EPG5: variants seen among roughly 807,000 people sequenced by gnomAD.
The protein encoded by EPG5 is ectopic P-granules 5 autophagy tethering factor.
EPG5 carries 159 observed loss-of-function variants against 302.7 expected under a neutral mutation model. The ratio of observed to expected loss-of-function variants is 0.53; its 90% CI spans 0.46 to 0.60. EPG5 has a LOEUF of 0.60. Ranked by LOEUF, EPG5 falls within the 20% of genes least tolerant of loss-of-function variation. The pLI is 0.00. For missense variants in EPG5, 2,896 were observed against 3,092.4 expected (o/e 0.94, Z 1.51); for synonymous variants, 1,158 against 1,136.8 (o/e 1.02, Z -0.37).
At position 45,922,257 on chromosome 18, in the gene EPG5, C is replaced by T. The variant is rs536207129; in HGVS notation, c.3098+84G>A. ...TGCTCCGCAATAGGTTTGACAGAGG[C>T]CTCAGAACTTGGGATATGAAACATA... On this transcript the variant is annotated intron_variant, in intron 16 of 43. Transcript: ENST00000282041. 43 of 1,519,218 alleles carry T rather than the reference C, an allele frequency of 2.8e-5. No homozygotes were observed. In the South Asian group the frequency reaches 5.0e-4, roughly 18 times the overall value. The allele number at this position is 1,519,218 out of a possible 1,614,324, so 94.1% of individuals were successfully genotyped here. A position where few individuals can be genotyped will look rare whatever the true frequency, so the allele number is the denominator to read the frequency against.
chr18:45,966,136 G>T (rs2051249267), intron 1 of EPG5, among the ~76,000 whole-genome samples: 1 of 151,784 alleles, frequency 6.6e-6, no homozygotes, highest in African/African-American at 2.4e-5. Flanking sequence ...ACTTTGGGAG[G>T]CCGAGGCGGG....
At chr18:45,906,757 C>T (rs577680560) in intron 24 of EPG5, among the ~76,000 whole-genome samples, 100 of 152,128 alleles carry the variant, frequency 6.6e-4, no homozygotes, top group African/African-American at 2.4e-3. Context: ...CAGGTTCAAG[C>T]GATTCTCCTG....
At chr18:45,821,265 C>A in the EPG5 span, among the ~76,000 whole-genome samples, 1 of 152,186 alleles carries the variant, frequency 6.6e-6, no homozygotes, top group Non-Finnish European at 1.5e-5. Flanking sequence ...TGTGAGAAAT[C>A]CATGCATGCA....
chr18:45,921,284 G>C (rs933413085), intron 16 of EPG5, among the ~76,000 whole-genome samples: 22 of 152,216 alleles, frequency 1.4e-4, no homozygotes, highest in Admixed American at 4.6e-4. Context: ...TGTGGAACAA[G>C]ATGTTGAAAT....
chr18:45,946,804 T>C lies in EPG5; in HGVS notation c.1572-36A>G, dbSNP rs760160934. 1.3e-5 allele frequency: 20 copies of C among 1,527,574 alleles called. No homozygotes were observed. In the East Asian group the frequency reaches 3.4e-4, roughly 26 times the overall value. 94.6% of individuals were successfully genotyped at this position (1,527,574 alleles called of 1,614,324 possible). ...AGAATAATCACTCCCATCACTTAGA[T>C]GTAGGCTACGTGAGTGCATTGTGGA... On this transcript the variant is annotated intron_variant, in intron 6 of 43. Transcript: ENST00000282041.
the EPG5 span, among the ~76,000 whole-genome samples, chr18:45,803,399 C>A: frequency 6.6e-6 from 1 of 152,130 alleles, no homozygotes; most frequent in Non-Finnish European, 1.5e-5. Flanking sequence ...CAACAGCAAG[C>A]AGGCTCCAGG....
At chr18:45,852,705 C>A (rs1046386583) in intron 43 of EPG5, 56 bp from the exon 44 acceptor site, 9 of 1,457,018 alleles carry the variant, frequency 6.2e-6, no homozygotes, top group Non-Finnish European at 8.6e-6. Context: ...AATGTGACTG[C>A]CAGAGGTACA....
the EPG5 span, chr18:45,839,110 GAC>G: frequency 7.3e-7 from 1 of 1,369,250 alleles, no homozygotes; most frequent in African/African-American, 1.5e-5. Flanking sequence ...GTGCGCCCCA[GAC>G]ACGGGTGGCC....
At chr18:45,960,570 G>A (rs1216862819) in intron 1 of EPG5, among the ~76,000 whole-genome samples, 1 of 152,146 alleles carries the variant, frequency 6.6e-6, no homozygotes, top group African/African-American at 2.4e-5. Flanking sequence ...ACAATAATGA[G>A]TAAATTTTAC....
rs1268915187 is a variant in EPG5, at chr18:45,855,423, A to AT, written c.7557+149dup. 10 of 577,660 alleles carry AT rather than the reference A, an allele frequency of 1.7e-5. No individual in the cohort carries two copies. In the Admixed American group the frequency reaches 3.1e-4, roughly 18 times the overall value. 35.8% of individuals were successfully genotyped at this position (577,660 alleles called of 1,614,324 possible). ...AATTTGGAGGTTGGCACATGAAACC[A>AT]TTTTCCCGTAAGTAGGGCACATGAA... On this transcript the variant is annotated intron_variant, in intron 43 of 43. Transcript: ENST00000282041.
At chr18:45,909,445 G>C (rs9960635) in intron 23 of EPG5, among the ~76,000 whole-genome samples, 4,918 of 152,288 alleles carry the variant, frequency 0.032, 235 homozygotes, top group African/African-American at 0.11. Flanking sequence ...AGTCGTAAAA[G>C]GTTGAGGGCA....
intron 35 of EPG5, among the ~76,000 whole-genome samples, chr18:45,875,473 CAAAT>C (rs1490830600): frequency 6.6e-6 from 1 of 151,684 alleles, no homozygotes; most frequent in African/African-American, 2.4e-5. Context: ...GAAAAACAAA[CAAAT>C]AGATCTAGAA....
In EPG5 at chr18:45,923,771, G is replaced by A. The variant is rs146549928; in HGVS notation, c.2719-384C>T. Among the ~76,000 whole-genome samples the A allele has an allele frequency of 1.4e-3, 215 of 152,340 alleles. 5 individuals carry two copies. The East Asian group carries it at 0.033, about 23-fold the overall frequency. On this transcript the variant is annotated intron_variant, in intron 14 of 43. Transcript: ENST00000282041. The stretch of plus-strand genomic sequence containing the variant: ...TGTCTAGGCGTGGTGGTTCATGCCT[G>A]TAATCCCAGCACTTTGGGAAGCCAA...
intron 26 of EPG5, among the ~76,000 whole-genome samples, 190 bp from the exon 27 acceptor site, chr18:45,899,756 G>A (rs2049563555): frequency 6.6e-6 from 1 of 152,088 alleles, no homozygotes; most frequent in Non-Finnish European, 1.5e-5. Context: ...TAAAGAGAAA[G>A]CTAAGAAATG....
At chr18:45,869,412 T>G (rs1362257307) in intron 36 of EPG5, among the ~76,000 whole-genome samples, 1 of 152,254 alleles carries the variant, frequency 6.6e-6, no homozygotes. Flanking sequence ...ACACAAAGAA[T>G]TAAAAGATCC....
intron 14 of EPG5, among the ~76,000 whole-genome samples, chr18:45,923,901 G>A (rs1363162997): frequency 3.3e-5 from 5 of 151,898 alleles, no homozygotes; most frequent in African/African-American, 7.3e-5. Flanking sequence ...GGTGGTGCAC[G>A]CCTGTAGTTC....
chr18:45,875,882 C>T (rs1304123533), intron 35 of EPG5, among the ~76,000 whole-genome samples: 1 of 152,024 alleles, frequency 6.6e-6, no homozygotes, highest in African/African-American at 2.4e-5. Flanking sequence ...TGGTGAAACC[C>T]CGTCTCTACT....
chr18:45,864,006 C>T (rs2048688463), intron 39 of EPG5, among the ~76,000 whole-genome samples: 1 of 152,110 alleles, frequency 6.6e-6, no homozygotes, highest in Non-Finnish European at 1.5e-5. Flanking sequence ...TTGCTTCTCC[C>T]CAGTTAAGTA....
At chr18:45,882,154 G>A in intron 31 of EPG5, 120 bp downstream of exon 31, 1 of 874,578 alleles carries the variant, frequency 1.1e-6, no homozygotes, top group Non-Finnish European at 1.7e-6. Context: ...GACAATTAGT[G>A]ATTCTAAACT....
Sources: allele counts gnomAD v4.1 joint callset (sites outside exome capture counted in the v4.1 genomes callset), GRCh38; gene constraint gnomAD v4.1.1; transcripts MANE v1.5; gene names NCBI Gene and HGNC (gene_info 2026-07-23, HGNC 2026-07-21).